Variants in MPHOSPH9 observed in about 807,000 individuals in gnomAD.
MPHOSPH9 encodes the protein M-phase phosphoprotein 9.
In MPHOSPH9, 88 loss-of-function variants were observed where a neutral mutation model predicts 145.5. The ratio of observed to expected loss-of-function variants is 0.60; its 90% confidence interval spans 0.51 to 0.72. The LOEUF (loss-of-function observed/expected upper bound fraction) is 0.72, where lower values mean the gene tolerates loss of function less well. MPHOSPH9 is among the 30% of genes least tolerant of loss of function. The pLI, the probability that MPHOSPH9 is intolerant of heterozygous loss-of-function variation, is 0.00. For synonymous variants in MPHOSPH9, 435 were observed against 486.2 expected, an observed-to-expected ratio of 0.89 and a Z score of 1.39; for missense variants, 1,238 against 1,386.6, an observed-to-expected ratio of 0.89 and a Z score of 1.70.
At chr12:123,160,550 T>G in intron 23 of MPHOSPH9, 1 of 484,202 alleles carries the variant, frequency 2.1e-6, no homozygotes, top group South Asian at 3.6e-5. Flanking sequence ...TACAAGGGCA[T>G]GAACACCTTC....
chr12:123,155,385 C>G lies in MPHOSPH9; in HGVS notation c.*1422G>C, dbSNP rs997739998. On this transcript the variant is annotated 3_prime_UTR_variant, in exon 24 of 24. Coordinates refer to ENST00000606320, the MANE Select transcript of MPHOSPH9 (RefSeq NM_022782.4). Reference sequence around the variant, plus strand: ...GAGAAGGGAGCAGGGCTGTGGACCCCTGGCCTGGGGACCAGCCAGGTGAAG... The same window carrying G: ...GAGAAGGGAGCAGGGCTGTGGACCCGTGGCCTGGGGACCAGCCAGGTGAAG... 6.6e-6 allele frequency: 1 copy of G among 152,110 alleles called. No individual in the cohort carries two copies. The highest frequency in any genetic ancestry group is 2.4e-5 in the African/African-American group (1 of 41,396). The allele number at this position is 152,110 out of a possible 1,614,324, so 9.4% of individuals were successfully genotyped here. A position where few individuals can be genotyped will look rare whatever the true frequency, so the allele number is the denominator to read the frequency against.
intron 13 of MPHOSPH9, among the ~76,000 whole-genome samples, chr12:123,183,536 AGACTCT>A (rs1480846789): frequency 1.5e-5 from 2 of 136,626 alleles, no homozygotes; most frequent in Non-Finnish European, 3.2e-5. Context: ...TGACAGAGCA[AGACTCT>A]GTCTCAAAAA....
intron 3 of MPHOSPH9, among the ~76,000 whole-genome samples, chr12:123,223,687 C>T (rs1033741401): frequency 6.6e-6 from 1 of 152,146 alleles, no homozygotes; most frequent in African/African-American, 2.4e-5. Flanking sequence ...CTTCTCAAAC[C>T]ATCCTAACAG....
At chr12:123,239,990 C>T (rs1031191438) in intron 1 of MPHOSPH9, among the ~76,000 whole-genome samples, 1 of 152,138 alleles carries the variant, frequency 6.6e-6, no homozygotes, top group Non-Finnish European at 1.5e-5. Flanking sequence ...CTAGCAGCAT[C>T]CTTGTTTAAA....
chr12:123,168,493 C>T (rs1430834118), intron 16 of MPHOSPH9, among the ~76,000 whole-genome samples: 4 of 151,980 alleles, frequency 2.6e-5, no homozygotes, highest in Non-Finnish European at 4.4e-5. Flanking sequence ...AGGCGCCTGC[C>T]ACCACGCCCG....
chr12:123,206,257 C>G (rs1445932591), intron 8 of MPHOSPH9, among the ~76,000 whole-genome samples: 1 of 149,718 alleles, frequency 6.7e-6, no homozygotes, highest in Non-Finnish European at 1.5e-5. Flanking sequence ...GAGAGACCAG[C>G]TTGGGCAACA....
intron 1 of MPHOSPH9, among the ~76,000 whole-genome samples, chr12:123,242,926 G>A (rs189016801): frequency 5.9e-5 from 9 of 152,256 alleles, no homozygotes; most frequent in East Asian, 1.9e-4. Flanking sequence ...AATTGAATCC[G>A]GGACTACAGG....
Position 123,221,897 on chromosome 12 carries a change from T to C in MPHOSPH9, c.349-2A>G, listed in dbSNP as rs1374739065. The C allele has an allele frequency of 6.7e-7, 1 of 1,494,752 alleles. No homozygotes were observed. Among genetic ancestry groups the C allele is most frequent in the Non-Finnish European group, 9.0e-7 (1 of 1,115,268 alleles). 92.6% of individuals were successfully genotyped at this position (1,494,752 alleles called of 1,614,324 possible). A position where few individuals can be genotyped will look rare whatever the true frequency, so the allele number is the denominator to read the frequency against. Reference sequence around the variant, plus strand: ...ATTTTTTATCTCCTCCTGTATATGCTGGAAATAAAAAGTTATAGATTTGGG... The same window carrying C: ...ATTTTTTATCTCCTCCTGTATATGCCGGAAATAAAAAGTTATAGATTTGGG... On this transcript the variant is annotated splice_acceptor_variant, in intron 4 of 23. Coordinates refer to ENST00000606320, the MANE Select transcript of MPHOSPH9 (RefSeq NM_022782.4). LOFTEE classifies it high-confidence loss of function.
In MPHOSPH9 at chr12:123,202,843, C is replaced by G. The variant is rs1404225730; in HGVS notation, c.1562G>C (p.Trp521Ser). 1.2e-6 allele frequency: 2 copies of G among 1,613,960 alleles called. No individual in the cohort carries two copies. The highest frequency in any genetic ancestry group is 1.7e-6 in the Non-Finnish European group (2 of 1,180,026). The change falls in exon 10 of 24, where the codon TGG becomes TCG. Residue 521 changes from tryptophan (W) to serine (S), a missense_variant. By Grantham distance (177) the Trp-to-Ser change is radical. This residue lies in a region of MPHOSPH9 where 837 missense variants were observed against 897.5 expected (regional missense o/e 0.93). Coordinates refer to ENST00000606320, the MANE Select transcript of MPHOSPH9 (RefSeq NM_022782.4). ...TTCGTTTTGGAATGTCTGATTTTTC[C>G]AAGAGTCCACCGGAGAAGCTTTTGT... is the stretch of plus-strand genomic sequence containing the variant. ...SHTKASPVDS[W>S]KNQTFQNESR... is the part of the protein sequence containing the mutation.
At chr12:123,180,217 T>C (rs2045064315) in intron 14 of MPHOSPH9, among the ~76,000 whole-genome samples, 1 of 152,178 alleles carries the variant, frequency 6.6e-6, no homozygotes, top group Non-Finnish European at 1.5e-5. Context: ...GGGTAACAGA[T>C]ACAGCCCTTT....
At chr12:123,200,431 A>C (rs1482265627) in intron 11 of MPHOSPH9, among the ~76,000 whole-genome samples, 4 of 152,168 alleles carry the variant, frequency 2.6e-5, no homozygotes, top group African/African-American at 9.7e-5. Context: ...ATTAACTGCT[A>C]TAATACAGCC....
At position 123,227,559 on chromosome 12, in the gene MPHOSPH9, T is replaced by C; in HGVS notation, c.162A>G (p.Pro54=). ...CTTCAACTGTACCTTGAATTACAGA[T>C]GGTCTGGTCTTCCCTGAGAAAGAGG... ...GVSSFSGKTR[P]SVIQGTVEVL... Residue 54 remains proline (P), a synonymous_variant, in exon 3 of 24, where the codon CCA becomes CCG. Coordinates refer to ENST00000606320, the MANE Select transcript of MPHOSPH9 (RefSeq NM_022782.4). The C allele has an allele frequency of 2.6e-6, 4 of 1,533,394 alleles. No individual in the cohort carries two copies. The highest frequency in any genetic ancestry group is 2.4e-5 in the East Asian group (1 of 40,858). 95.0% of individuals were successfully genotyped at this position (1,533,394 alleles called of 1,614,324 possible).
chr12:123,224,337 T>C (rs1031054428), intron 3 of MPHOSPH9, among the ~76,000 whole-genome samples: 8 of 152,044 alleles, frequency 5.3e-5, no homozygotes, highest in Middle Eastern at 3.4e-3. Context: ...GGTTTCACCA[T>C]GTTAGCCAGG....
In MPHOSPH9 at chr12:123,202,181, A is replaced by AT; in HGVS notation, c.1919dup (p.Asn640LysfsTer13). 6.2e-7 allele frequency: 1 copy of AT among 1,609,008 alleles called. No homozygotes were observed. Among genetic ancestry groups the AT allele is most frequent in the Admixed American group, 1.7e-5 (1 of 58,632 alleles). On this transcript the variant is annotated frameshift_variant, in exon 11 of 24. Transcript: ENST00000606320. LOFTEE classifies it high-confidence loss of function. ...AATTTTACCTGTCTACAAGAATTTG[A>AT]TTGGTTATCTTCCAATCTTCAACTC... is the stretch of plus-strand genomic sequence containing the variant.
chr12:123,198,809 C>CAAAAAAAAAAAA (rs35259138), intron 11 of MPHOSPH9, among the ~76,000 whole-genome samples: 1 of 48,532 alleles, frequency 2.1e-5, no homozygotes, highest in Non-Finnish European at 3.1e-5. Context: ...GAACCTGTCT[C>CAAAAAAAAAAAA]AAAAAAAAAA....
chr12:123,169,041 C>G (rs1254786398), intron 16 of MPHOSPH9, among the ~76,000 whole-genome samples: 1 of 151,726 alleles, frequency 6.6e-6, no homozygotes, highest in Non-Finnish European at 1.5e-5. Context: ...CCCACCACCA[C>G]GCCCGGCTAA....
At chr12:123,242,335 C>T (rs1298266788) in intron 1 of MPHOSPH9, among the ~76,000 whole-genome samples, 2 of 152,196 alleles carry the variant, frequency 1.3e-5, no homozygotes, top group Admixed American at 6.5e-5. Context: ...GTCATGACTG[C>T]TGGTTTCCTC....
At chr12:123,188,735 C>G (rs955534678) in intron 13 of MPHOSPH9, among the ~76,000 whole-genome samples, 6 of 152,120 alleles carry the variant, frequency 3.9e-5, no homozygotes, top group Admixed American at 3.9e-4. Flanking sequence ...GTACTCCCAG[C>G]TACATGGTAG....
intron 6 of MPHOSPH9, among the ~76,000 whole-genome samples, chr12:123,216,130 AG>A: frequency 6.6e-6 from 1 of 152,148 alleles, no homozygotes; most frequent in Non-Finnish European, 1.5e-5. Context: ...TGGCTTTTCT[AG>A]AGCTACCAAT....
Sources: allele counts gnomAD v4.1 joint callset (sites outside exome capture counted in the v4.1 genomes callset), GRCh38; gene constraint gnomAD v4.1.1; regional missense constraint gnomAD v4.1.1; transcripts MANE v1.5; gene names NCBI Gene and HGNC (gene_info 2026-07-23, HGNC 2026-07-21).